Variants in SAMD12 observed in about 807,000 individuals in gnomAD.
SAMD12 encodes sterile alpha motif domain containing 12, also known as sterile alpha motif domain-containing protein 12.
Under a neutral mutation model 15.0 loss-of-function variants are expected in SAMD12, and 9 were observed. The observed-to-expected ratio is 0.60, with a 90% confidence interval of 0.36 to 1.05. The LOEUF is 1.05. Ranked by LOEUF, SAMD12 falls within the 50% of genes least tolerant of loss-of-function variation. The pLI is 0.01. For synonymous variants in SAMD12, 86 were observed against 90.1 expected, an observed-to-expected ratio of 0.96 and a Z score of 0.25; for missense variants, 230 against 234.2, an observed-to-expected ratio of 0.98 and a Z score of 0.12.
intron 2 of SAMD12, among the ~76,000 whole-genome samples, chr8:118,550,553 G>A (rs900808028): frequency 6.5e-4 from 99 of 152,156 alleles, no homozygotes; most frequent in East Asian, 1.2e-3. Flanking sequence ...AGGAACAACC[G>A]GTACCAGCCG....
chr8:118,479,984 A>G (rs1824079031), intron 2 of SAMD12, among the ~76,000 whole-genome samples: 2 of 152,246 alleles, frequency 1.3e-5, no homozygotes, highest in Non-Finnish European at 2.9e-5. Flanking sequence ...TTTAGATTCA[A>G]TAGGCAAGAT....
At chr8:118,395,762 T>C (rs1050284906) in intron 3 of SAMD12, among the ~76,000 whole-genome samples, 1 of 151,992 alleles carries the variant, frequency 6.6e-6, no homozygotes, top group South Asian at 2.1e-4. Context: ...ATTGAGACCA[T>C]CCCGGCTAAC....
chr8:118,287,173 G>A (rs1210504062), intron 4 of SAMD12, among the ~76,000 whole-genome samples: 1 of 147,414 alleles, frequency 6.8e-6, no homozygotes, highest in Non-Finnish European at 1.5e-5. Context: ...CGCCCAGGCC[G>A]GACTACAGTG....
At chr8:118,263,340 T>G (rs558770723) in intron 4 of SAMD12, among the ~76,000 whole-genome samples, 1 of 152,220 alleles carries the variant, frequency 6.6e-6, no homozygotes, top group South Asian at 2.1e-4. Flanking sequence ...GATTTTTCAC[T>G]GTCAAATGTA....
At chr8:118,429,260 C>G (rs1175989722) in intron 3 of SAMD12, among the ~76,000 whole-genome samples, 1 of 152,088 alleles carries the variant, frequency 6.6e-6, no homozygotes, top group African/African-American at 2.4e-5. Flanking sequence ...TCTGAAAATT[C>G]AAGATCTGAA....
At chr8:118,513,930 T>C (rs1265016373) in intron 2 of SAMD12, among the ~76,000 whole-genome samples, 1 of 152,240 alleles carries the variant, frequency 6.6e-6, no homozygotes, top group Non-Finnish European at 1.5e-5. Flanking sequence ...CAGCCTATTA[T>C]TTCTTTGTGG....
At chr8:118,483,339 C>G (rs944694225) in intron 2 of SAMD12, among the ~76,000 whole-genome samples, 6 of 152,140 alleles carry the variant, frequency 3.9e-5, no homozygotes, top group African/African-American at 1.4e-4. Flanking sequence ...GAGAAACATA[C>G]CACTTGGATT....
the SAMD12 span, among the ~76,000 whole-genome samples, chr8:118,157,838 T>C: frequency 3.9e-5 from 6 of 152,156 alleles, no homozygotes; most frequent in Non-Finnish European, 8.8e-5. Context: ...TCCTAAAACA[T>C]GGACAAAGTA....
intron 4 of SAMD12, among the ~76,000 whole-genome samples, chr8:118,317,709 TAA>T (rs908514473): frequency 1.3e-5 from 2 of 152,190 alleles, no homozygotes; most frequent in Non-Finnish European, 2.9e-5. Flanking sequence ...ATTCAAATTG[TAA>T]AAGTTTGGTG....
intron 2 of SAMD12, among the ~76,000 whole-genome samples, chr8:118,447,900 T>C (rs1822966424): frequency 6.6e-6 from 1 of 151,548 alleles, no homozygotes; most frequent in African/African-American, 2.4e-5. Context: ...TAATTTTTTT[T>C]TGTATTTTTA....
intron 2 of SAMD12, among the ~76,000 whole-genome samples, chr8:118,472,969 C>T (rs1429753392): frequency 6.6e-6 from 1 of 152,080 alleles, no homozygotes; most frequent in Non-Finnish European, 1.5e-5. Context: ...CCCATTTGCT[C>T]ACCTGATATA....
intron 2 of SAMD12, among the ~76,000 whole-genome samples, chr8:118,505,617 AAGAC>A (rs980592422): frequency 5.9e-5 from 9 of 152,072 alleles, no homozygotes; most frequent in African/African-American, 1.7e-4. Flanking sequence ...GCAGAGGAGA[AAGAC>A]AGAAGGAGCC....
At chr8:118,424,766 A>G (rs1822167676) in intron 3 of SAMD12, among the ~76,000 whole-genome samples, 1 of 152,052 alleles carries the variant, frequency 6.6e-6, no homozygotes, top group Non-Finnish European at 1.5e-5. Context: ...TCCTCCATCA[A>G]TAACACATGA....
the SAMD12 span, among the ~76,000 whole-genome samples, chr8:118,170,308 T>C: frequency 1.3e-5 from 2 of 152,182 alleles, no homozygotes; most frequent in Non-Finnish European, 2.9e-5. Flanking sequence ...TATATTAGTT[T>C]AATATTTTGA....
the SAMD12 span, among the ~76,000 whole-genome samples, chr8:118,162,207 G>C: frequency 6.7e-6 from 1 of 148,282 alleles, no homozygotes; most frequent in Middle Eastern, 3.4e-3. Flanking sequence ...CTTGGGGATG[G>C]GAGGACAAGG....
chr8:118,254,162 A>G (rs1812879215), intron 4 of SAMD12, among the ~76,000 whole-genome samples: 3 of 152,162 alleles, frequency 2.0e-5, no homozygotes, highest in African/African-American at 7.2e-5. Context: ...GAGGAGGGTG[A>G]TGGGAATAGG....
chr8:118,530,539 G>GT (rs944938235), intron 2 of SAMD12, among the ~76,000 whole-genome samples: 3 of 151,942 alleles, frequency 2.0e-5, no homozygotes, highest in East Asian at 1.9e-4. Context: ...GGTTATTTGG[G>GT]TTTTTTTGTC....
At chr8:118,530,397 T>G (rs994999968) in intron 2 of SAMD12, among the ~76,000 whole-genome samples, 2 of 152,308 alleles carry the variant, frequency 1.3e-5, no homozygotes, top group Admixed American at 1.3e-4. Flanking sequence ...TCGGCCCCAG[T>G]GTCTATTGTT....
intron 2 of SAMD12, among the ~76,000 whole-genome samples, chr8:118,492,945 C>A (rs1319872397): frequency 2.0e-5 from 3 of 152,044 alleles, no homozygotes; most frequent in Non-Finnish European, 4.4e-5. Flanking sequence ...GATACTACAC[C>A]AAAATGCAAT....
Sources: allele counts gnomAD v4.1 joint callset (sites outside exome capture counted in the v4.1 genomes callset), GRCh38; gene constraint gnomAD v4.1.1; transcripts MANE v1.5; gene names NCBI Gene and HGNC (gene_info 2026-07-23, HGNC 2026-07-21).